The following IARS1 variants were observed in gnomAD, a reference collection of about 807,000 sequenced individuals.
IARS1 encodes isoleucyl-tRNA synthetase 1, also known as isoleucine--tRNA ligase, cytoplasmic.
A neutral mutation model predicts 168.2 loss-of-function variants in IARS1; 124 were observed. The observed-to-expected ratio is 0.74, with a 90% CI of 0.64 to 0.86. IARS1 has a LOEUF of 0.86. Ranked by LOEUF, IARS1 falls within the 40% of genes least tolerant of loss-of-function variation. The probability of loss-of-function intolerance (pLI) is 0.00; values close to 1 mark genes in which losing one functional copy is unlikely to be tolerated. For missense variants in IARS1, 1,452 were observed against 1,515.8 expected (o/e 0.96, Z 0.70); for synonymous variants, 532 against 529.4 (o/e 1.00, Z -0.07).
intron 30 of IARS1, among the ~76,000 whole-genome samples, chr9:92,231,928 C>A (rs1826771222): frequency 1.3e-5 from 2 of 152,150 alleles, no homozygotes; most frequent in East Asian, 3.9e-4. Context: ...TTAAATCCTA[C>A]CAGGATTTAT....
At chr9:92,233,579 T>C (rs905471401) in intron 30 of IARS1, among the ~76,000 whole-genome samples, 1 of 152,222 alleles carries the variant, frequency 6.6e-6, no homozygotes, top group African/African-American at 2.4e-5. Context: ...ACAATGGCAA[T>C]GACATTTTAA....
intron 20 of IARS1, among the ~76,000 whole-genome samples, chr9:92,254,418 G>A (rs1401394355): frequency 6.6e-6 from 1 of 152,210 alleles, no homozygotes; most frequent in Non-Finnish European, 1.5e-5. Context: ...AATGAAAAGA[G>A]TCCAGGGACT....
rs1438403090 is a variant in IARS1, at chr9:92,223,247, A to G, written c.3553+99T>C. 6.0e-6 allele frequency: 7 copies of G among 1,162,684 alleles called. No individual in the cohort carries two copies. The East Asian group carries it at 1.7e-4, about 28-fold the overall frequency. The allele number at this position is 1,162,684 out of a possible 1,614,324, so 72.0% of individuals were successfully genotyped here. ...GCGTGAGAGCCCACACTTTAAAGCAATACTTTGAAGCCGACTAGAAATACA... is the reference window on the plus strand; with the variant it reads ...GCGTGAGAGCCCACACTTTAAAGCAGTACTTTGAAGCCGACTAGAAATACA... On this transcript the variant is annotated intron_variant, in intron 32 of 33. Coordinates refer to ENST00000443024, the MANE Select transcript of IARS1 (RefSeq NM_002161.6).
chr9:92,259,803 A>G (rs1831257341), intron 18 of IARS1, among the ~76,000 whole-genome samples: 1 of 152,170 alleles, frequency 6.6e-6, no homozygotes, highest in South Asian at 2.1e-4. Context: ...GTACAAAATT[A>G]AAACAAATGA....
At chr9:92,291,287 C>T (rs1170395053) in intron 1 of IARS1, among the ~76,000 whole-genome samples, 1 of 152,108 alleles carries the variant, frequency 6.6e-6, no homozygotes, top group Non-Finnish European at 1.5e-5. Context: ...CTTAAGTACT[C>T]AAGAACCACA....
chr9:92,226,849 G>T (rs1224037760), intron 31 of IARS1, among the ~76,000 whole-genome samples: 1 of 141,588 alleles, frequency 7.1e-6, no homozygotes, highest in Non-Finnish European at 1.5e-5. Flanking sequence ...GGTGTTTCTC[G>T]CAGAGGGGGA....
chr9:92,227,591 C>T (rs1476594038), intron 31 of IARS1, among the ~76,000 whole-genome samples: 4 of 145,936 alleles, frequency 2.7e-5, no homozygotes, highest in African/African-American at 7.5e-5. Flanking sequence ...GGGCGGCTGC[C>T]GGGCGGAGGG....
At chr9:92,258,596 C>A (rs3780343) in intron 19 of IARS1, among the ~76,000 whole-genome samples, 4,643 of 149,248 alleles carry the variant, frequency 0.031, 110 homozygotes, top group South Asian at 0.085. Flanking sequence ...ACCTCAAAAA[C>A]AAAAACAACA....
At chr9:92,243,540 T>C (rs1828755272) in intron 27 of IARS1, 1 of 413,534 alleles carries the variant, frequency 2.4e-6, no homozygotes, top group Admixed American at 3.8e-5. Context: ...TCTTGTTTTT[T>C]TGTAGGGTGC....
chr9:92,210,731 G>A lies in IARS1; in HGVS notation c.*76C>T. On this transcript the variant is annotated 3_prime_UTR_variant, in exon 34 of 34. Coordinates refer to ENST00000443024, the MANE Select transcript of IARS1 (RefSeq NM_002161.6). ...AAATATCTTCAGTGTGTTCATGTGT[G>A]TGTCTATGTGCATGTATGTGTAGGG... 1.2e-6 allele frequency: 1 copy of A among 829,400 alleles called. No individual in the cohort carries two copies. The highest frequency in any genetic ancestry group is 2.1e-6 in the Non-Finnish European group (1 of 469,656). The allele number at this position is 829,400 out of a possible 1,614,324, so 51.4% of individuals were successfully genotyped here.
intron 30 of IARS1, among the ~76,000 whole-genome samples, chr9:92,232,412 A>T (rs1826859422): frequency 6.6e-6 from 1 of 152,210 alleles, no homozygotes; most frequent in Non-Finnish European, 1.5e-5. Flanking sequence ...CTAGAATAAG[A>T]GAAATGATTC....
intron 26 of IARS1, among the ~76,000 whole-genome samples, chr9:92,245,932 A>C (rs1417807205): frequency 6.6e-6 from 1 of 151,758 alleles, no homozygotes; most frequent in Non-Finnish European, 1.5e-5. Context: ...ACACCTGGCT[A>C]ATTTTGTGTG....
At chr9:92,241,696 C>A (rs1828429294) in intron 29 of IARS1, among the ~76,000 whole-genome samples, 1 of 152,138 alleles carries the variant, frequency 6.6e-6, no homozygotes, top group Non-Finnish European at 1.5e-5. Context: ...TAATATCATA[C>A]TTTCATAAGT....
chr9:92,243,428 C>A (rs941981775), intron 27 of IARS1, 117 bp from the exon 28 acceptor site: 14 of 629,822 alleles, frequency 2.2e-5, no homozygotes, highest in Admixed American at 8.4e-5. Flanking sequence ...TTTTTTCACA[C>A]AAATGAGCAA....
At chr9:92,284,779 A>C (rs2133971598) in intron 6 of IARS1, among the ~76,000 whole-genome samples, 1 of 152,322 alleles carries the variant, frequency 6.6e-6, no homozygotes, top group Non-Finnish European at 1.5e-5. Flanking sequence ...AAACAAACAA[A>C]CAAACAAAAA....
At chr9:92,249,045 T>A (rs1333325539) in intron 25 of IARS1, among the ~76,000 whole-genome samples, 1 of 152,218 alleles carries the variant, frequency 6.6e-6, no homozygotes, top group Non-Finnish European at 1.5e-5. Context: ...TATGCATATA[T>A]GTACACACAA....
chr9:92,277,738 C>A, intron 9 of IARS1, 125 bp downstream of exon 9: 2 of 691,214 alleles, frequency 2.9e-6, no homozygotes, highest in Non-Finnish European at 4.8e-6. Flanking sequence ...TTTGTTGGTA[C>A]TAAAGCAGAC....
At chr9:92,291,893 G>A (rs988249246) in intron 1 of IARS1, among the ~76,000 whole-genome samples, 24 of 152,076 alleles carry the variant, frequency 1.6e-4, no homozygotes, top group African/African-American at 5.3e-4. Context: ...TAGGGGATGA[G>A]CATTCACATC....
chr9:92,245,019 C>A lies in IARS1; in HGVS notation c.2844G>T (p.Met948Ile), dbSNP rs1277421819. 1.2e-6 allele frequency: 2 copies of A among 1,614,064 alleles called. No homozygotes were observed. Among genetic ancestry groups the A allele is most frequent in the African/African-American group, 1.3e-5 (1 of 74,908 alleles). The part of the protein sequence containing the change: ...HELHDEDIRL[M>I]YTFDQATGGT... ...CACCTGTGGCCTGATCAAAGGTGTACATGAGGCGGATGTCTTCATCGTGCA... is the reference window on the plus strand; with the variant it reads ...CACCTGTGGCCTGATCAAAGGTGTAAATGAGGCGGATGTCTTCATCGTGCA... The change falls in exon 27 of 34, where the codon ATG (methionine) becomes ATT (isoleucine). Residue 948 changes from methionine (M) to isoleucine (I), a missense_variant. Coordinates refer to ENST00000443024, the MANE Select transcript of IARS1 (RefSeq NM_002161.6).
Sources: allele counts gnomAD v4.1 joint callset (sites outside exome capture counted in the v4.1 genomes callset), GRCh38; gene constraint gnomAD v4.1.1; transcripts MANE v1.5; gene names NCBI Gene and HGNC (gene_info 2026-07-23, HGNC 2026-07-21).